KALRN: variants seen among roughly 807,000 people sequenced by gnomAD.
KALRN encodes the protein kalirin.
Under a neutral mutation model 353.7 loss-of-function variants are expected in KALRN, and 70 were observed. That is an observed-to-expected ratio of 0.20 (90% CI 0.16 to 0.24). The LOEUF (loss-of-function observed/expected upper bound fraction) is 0.24. Ranked by LOEUF, KALRN falls within the 10% of genes least tolerant of loss-of-function variation. The probability of loss-of-function intolerance (pLI) is 1.00; values close to 1 mark genes in which losing one functional copy is unlikely to be tolerated. For synonymous variants in KALRN, 1,391 were observed against 1,434.8 expected, an observed-to-expected ratio of 0.97 and a Z score of 0.69; for missense variants, 2,791 against 3,756.7, an observed-to-expected ratio of 0.74 and a Z score of 6.72.
chr3:124,711,303 T>C (rs2062875892), intron 57 of KALRN, among the ~76,000 whole-genome samples: 3 of 152,178 alleles, frequency 2.0e-5, no homozygotes, highest in Non-Finnish European at 4.4e-5. Flanking sequence ...ATGACAAGCA[T>C]GAGCCATTGC....
At chr3:124,496,003 A>ATATATATATG (rs2063778043) in intron 32 of KALRN, among the ~76,000 whole-genome samples, 1 of 63,920 alleles carries the variant, frequency 1.6e-5, no homozygotes, top group Non-Finnish European at 2.6e-5. Context: ...ATATATATAT[A>ATATATATATG]TATATATATA....
intron 51 of KALRN, among the ~76,000 whole-genome samples, chr3:124,689,971 A>G (rs1164663911): frequency 6.6e-6 from 1 of 152,224 alleles, no homozygotes; most frequent in African/African-American, 2.4e-5. Context: ...GAGGAAGATC[A>G]CTATTGGCTA....
chr3:124,563,208 G>C, intron 34 of KALRN, 119 bp downstream of exon 34: 1 of 1,089,220 alleles, frequency 9.2e-7, no homozygotes, highest in Non-Finnish European at 1.2e-6. Context: ...ACCCTGTGGG[G>C]TTTCTTTGGG....
chr3:124,482,587 TC>T (rs2062098310), intron 27 of KALRN, among the ~76,000 whole-genome samples: 1 of 152,172 alleles, frequency 6.6e-6, no homozygotes, highest in South Asian at 2.1e-4. Context: ...CTTTCCCTAA[TC>T]CTTCTCCCTT....
chr3:124,673,500 T>C (rs2086756991), intron 48 of KALRN, among the ~76,000 whole-genome samples: 2 of 150,334 alleles, frequency 1.3e-5, no homozygotes, highest in African/African-American at 4.9e-5. Flanking sequence ...TATATGTATA[T>C]CCTGTATGTA....
chr3:124,699,492 T>G (rs1000145756), intron 55 of KALRN, among the ~76,000 whole-genome samples: 1 of 152,274 alleles, frequency 6.6e-6, no homozygotes, highest in African/African-American at 2.4e-5. Context: ...ACTTTCCATT[T>G]TGTTTCCATT....
At chr3:124,667,899 A>AT (rs1019763337) in intron 47 of KALRN, among the ~76,000 whole-genome samples, 76 of 152,210 alleles carry the variant, frequency 5.0e-4, no homozygotes, top group African/African-American at 1.8e-3. Context: ...GGGGTATGCG[A>AT]TTTTAAGCTA....
chr3:124,593,819 A>G (rs1449646992), intron 34 of KALRN, among the ~76,000 whole-genome samples: 2 of 152,188 alleles, frequency 1.3e-5, no homozygotes, highest in Non-Finnish European at 2.9e-5. Context: ...TTCTCACTTA[A>G]GATTACTTTG....
At chr3:124,401,678 C>A (rs562742261) in intron 13 of KALRN, among the ~76,000 whole-genome samples, 1 of 152,180 alleles carries the variant, frequency 6.6e-6, no homozygotes, top group Non-Finnish European at 1.5e-5. Flanking sequence ...ATCCTGCATC[C>A]TCTGGTGTAG....
intron 54 of KALRN, among the ~76,000 whole-genome samples, chr3:124,696,805 T>C (rs1180543749): frequency 1.3e-5 from 2 of 152,234 alleles, no homozygotes; most frequent in Non-Finnish European, 2.9e-5. Flanking sequence ...TTTTTCATCT[T>C]CCCATCTTTC....
intron 25 of KALRN, 156 bp downstream of exon 25, chr3:124,462,789 T>A: frequency 1.8e-6 from 1 of 569,408 alleles, no homozygotes; most frequent in Non-Finnish European, 3.1e-6. Context: ...CTCCCCTTTC[T>A]CCATAATTGT....
At chr3:124,095,150 C>G (rs549275060) in intron 1 of KALRN, among the ~76,000 whole-genome samples, 2 of 152,270 alleles carry the variant, frequency 1.3e-5, no homozygotes, top group South Asian at 2.1e-4. Context: ...ATAACAGGAT[C>G]TCATTTCTTG....
At chr3:124,696,014 A>G in intron 53 of KALRN, 120 bp from the exon 54 acceptor site, 2 of 975,938 alleles carry the variant, frequency 2.0e-6, no homozygotes, top group Non-Finnish European at 3.1e-6. Context: ...CAGACCAGGG[A>G]CTGACCTCGG....
intron 56 of KALRN, among the ~76,000 whole-genome samples, chr3:124,700,623 G>A (rs942044006): frequency 3.0e-4 from 45 of 152,012 alleles, no homozygotes; most frequent in African/African-American, 8.9e-4. Flanking sequence ...AAACATCTTC[G>A]TCCCAGGGAC....
At chr3:124,716,274 A>C (rs988083630) in intron 58 of KALRN, among the ~76,000 whole-genome samples, 2 of 152,222 alleles carry the variant, frequency 1.3e-5, no homozygotes, top group Admixed American at 1.3e-4. Flanking sequence ...TTGTAATCCC[A>C]CCGTTTTGGG....
chr3:124,452,885 C>A (rs1215192748), intron 21 of KALRN, among the ~76,000 whole-genome samples: 1 of 152,178 alleles, frequency 6.6e-6, no homozygotes, highest in African/African-American at 2.4e-5. Flanking sequence ...GCTGCTGCCA[C>A]CAGCTGGCTG....
intron 2 of KALRN, among the ~76,000 whole-genome samples, chr3:124,229,438 C>A (rs575028359): frequency 6.6e-5 from 10 of 152,372 alleles, no homozygotes; most frequent in South Asian, 2.1e-4. Context: ...TTTTGAGAAA[C>A]ATGCCACGTG....
intron 37 of KALRN, among the ~76,000 whole-genome samples, chr3:124,650,004 T>A (rs1002121073): frequency 1.4e-5 from 2 of 139,036 alleles, no homozygotes. Context: ...ATAATAATAA[T>A]AAAGAATAGC....
chr3:124,078,632 A>G (rs139241390), intron 1 of KALRN, among the ~76,000 whole-genome samples: 2 of 152,294 alleles, frequency 1.3e-5, no homozygotes, highest in Non-Finnish European at 2.9e-5. Flanking sequence ...TAGTCCTAAC[A>G]TCTCGAGGGC....
Sources: allele counts gnomAD v4.1 joint callset (sites outside exome capture counted in the v4.1 genomes callset), GRCh38; gene constraint gnomAD v4.1.1; transcripts MANE v1.5; gene names NCBI Gene and HGNC (gene_info 2026-07-23, HGNC 2026-07-21).